SV2C: variants seen among roughly 807,000 people sequenced by gnomAD.
SV2C encodes the protein solute carrier family 22 member B3.
A neutral mutation model predicts 79.7 loss-of-function variants in SV2C; 49 were observed. The observed-to-expected ratio is 0.61, with a 90% CI of 0.49 to 0.78. The LOEUF is 0.78. Ranked by LOEUF, SV2C falls within the 30% of genes least tolerant of loss-of-function variation. SV2C has a pLI of 0.00. For synonymous variants in SV2C, 334 were observed against 333.2 expected, an observed-to-expected ratio of 1.00 and a Z score of -0.03; for missense variants, 833 against 912.9, an observed-to-expected ratio of 0.91 and a Z score of 1.13.
the SV2C span, among the ~76,000 whole-genome samples, chr5:75,902,008 A>T: frequency 6.6e-6 from 1 of 152,176 alleles, no homozygotes; most frequent in African/African-American, 2.4e-5. Context: ...TTCTTTGACT[A>T]GGAAAGGGAA....
chr5:75,897,165 A>T, the SV2C span, among the ~76,000 whole-genome samples: 13 of 150,144 alleles, frequency 8.7e-5, no homozygotes, highest in Non-Finnish European at 1.9e-4. Context: ...CTGAATGGTA[A>T]TGCCTAGGTT....
chr5:76,069,623 G>A, the SV2C span, among the ~76,000 whole-genome samples: 1 of 152,208 alleles, frequency 6.6e-6, no homozygotes, highest in Admixed American at 6.5e-5. Context: ...ACACAAGGAT[G>A]AAATGCAGAG....
chr5:75,848,594 C>T, the SV2C span, among the ~76,000 whole-genome samples: 349 of 152,294 alleles, frequency 2.3e-3, no homozygotes, highest in African/African-American at 8.2e-3. Context: ...AGAAAATCCA[C>T]AGAAACAACT....
the SV2C span, among the ~76,000 whole-genome samples, chr5:76,001,664 G>A: frequency 1.3e-5 from 2 of 152,176 alleles, no homozygotes; most frequent in Non-Finnish European, 2.9e-5. Flanking sequence ...GCTATTTACA[G>A]GGAGTTAGGT....
At chr5:76,108,285 G>A (rs1379136579) in intron 1 of SV2C, among the ~76,000 whole-genome samples, 1 of 152,176 alleles carries the variant, frequency 6.6e-6, no homozygotes, top group Non-Finnish European at 1.5e-5. Flanking sequence ...AAACAATAAT[G>A]TGAGAATAGT....
the SV2C span, among the ~76,000 whole-genome samples, chr5:75,984,676 G>A: frequency 1.3e-5 from 2 of 151,530 alleles, no homozygotes; most frequent in African/African-American, 4.9e-5. Context: ...CTAAGGAATA[G>A]ACAAGAAATT....
chr5:76,242,200 A>G (rs1317147351), intron 4 of SV2C: 9 of 981,432 alleles, frequency 9.2e-6, no homozygotes, highest in Non-Finnish European at 1.5e-5. Flanking sequence ...TTGGAGGAGC[A>G]GGTTTAGCAG....
chr5:75,895,091 C>T, the SV2C span, among the ~76,000 whole-genome samples: 115 of 152,172 alleles, frequency 7.6e-4, no homozygotes, highest in African/African-American at 1.2e-3. Flanking sequence ...CACATGACAA[C>T]GAATGCAGTA....
the SV2C span, among the ~76,000 whole-genome samples, chr5:76,048,309 A>G: frequency 1.8e-4 from 28 of 152,332 alleles, no homozygotes; most frequent in Middle Eastern, 3.4e-3. Context: ...GTCCGAGGGC[A>G]AGAGAAGATG....
intron 4 of SV2C, among the ~76,000 whole-genome samples, chr5:76,264,576 A>G (rs535867381): frequency 6.6e-6 from 1 of 152,184 alleles, no homozygotes; most frequent in Non-Finnish European, 1.5e-5. Context: ...GGATTTATCT[A>G]CCTTTAATCT....
intron 12 of SV2C, among the ~76,000 whole-genome samples, chr5:76,339,375 G>A (rs1252012798): frequency 6.6e-6 from 1 of 152,150 alleles, no homozygotes; most frequent in Non-Finnish European, 1.5e-5. Context: ...AGAATAGAAA[G>A]ATAAAAACTG....
chr5:75,856,988 G>C, the SV2C span, among the ~76,000 whole-genome samples: 20 of 132,638 alleles, frequency 1.5e-4, no homozygotes, highest in African/African-American at 5.7e-4. Flanking sequence ...ACGGAGTCTC[G>C]CTCTGTCACC....
chr5:76,023,441 G>T, the SV2C span, among the ~76,000 whole-genome samples: 3 of 152,124 alleles, frequency 2.0e-5, no homozygotes, highest in East Asian at 3.9e-4. Context: ...ATATGGCCAG[G>T]ATATATGAAT....
chr5:76,136,117 C>T (rs1477573462), intron 2 of SV2C, among the ~76,000 whole-genome samples: 3 of 152,200 alleles, frequency 2.0e-5, no homozygotes, highest in Admixed American at 2.0e-4. Context: ...TTGACTAATA[C>T]AAAATAGATG....
chr5:75,870,895 T>TTAA, the SV2C span, among the ~76,000 whole-genome samples: 1 of 152,198 alleles, frequency 6.6e-6, no homozygotes, highest in Non-Finnish European at 1.5e-5. Context: ...TATTTTCCAT[T>TTAA]TATTTAAACA....
At chr5:76,219,316 AT>A (rs1744999543) in intron 4 of SV2C, among the ~76,000 whole-genome samples, 1 of 152,202 alleles carries the variant, frequency 6.6e-6, no homozygotes, top group Non-Finnish European at 1.5e-5. Context: ...TCAATCTTAT[AT>A]TTTATCTCAA....
chr5:76,223,205 A>G (rs1317680374), intron 4 of SV2C, among the ~76,000 whole-genome samples: 4 of 151,910 alleles, frequency 2.6e-5, no homozygotes, highest in African/African-American at 9.7e-5. Flanking sequence ...TCTTAGGCTG[A>G]GGTGGGAGGA....
chr5:76,129,348 C>G (rs139079907), intron 1 of SV2C, among the ~76,000 whole-genome samples: 69 of 152,348 alleles, frequency 4.5e-4, no homozygotes, highest in Admixed American at 1.8e-3. Flanking sequence ...CCTCAAGGAA[C>G]TTACCTGAGC....
At position 76,131,909 on chromosome 5, in the gene SV2C, A is replaced by G. The variant is rs1182141349; in HGVS notation, c.159A>G (p.Glu53=). 3 of 1,613,996 alleles carry G rather than the reference A, an allele frequency of 1.9e-6. No homozygotes were observed. The highest frequency in any genetic ancestry group is 2.5e-6 in the Non-Finnish European group (3 of 1,180,006). Residue 53 remains glutamate (E), a synonymous_variant, in exon 2 of 13, where the codon GAA becomes GAG. Coordinates refer to ENST00000502798, the MANE Select transcript of SV2C (RefSeq NM_014979.4). ...QRSYSRFQDE[E]DDDDYYPAGE... ...CCTACAGTCGGTTCCAAGATGAAGA[A>G]GATGATGATGACTACTACCCGGCTG...
Sources: gnomAD v4.1 joint callset for allele counts (sites outside exome capture counted in the v4.1 genomes callset) on GRCh38, gnomAD v4.1.1 for gene constraint, MANE v1.5 for transcripts, NCBI Gene and HGNC (gene_info 2026-07-23, HGNC 2026-07-21) for gene names.